The following FOXP1 variants were observed in gnomAD, a reference collection of about 807,000 sequenced individuals.
FOXP1 encodes forkhead box P1, also known as forkhead box protein P1.
FOXP1 carries 15 observed loss-of-function variants against 98.2 expected under a neutral mutation model. The observed-to-expected ratio is 0.15, with a 90% CI of 0.10 to 0.24. The LOEUF (loss-of-function observed/expected upper bound fraction) is 0.24, where lower values mean the gene tolerates loss of function less well. Among genes scored for constraint, FOXP1 ranks in the 10% least tolerant of loss-of-function variants. FOXP1 has a pLI of 1.00. For missense variants in FOXP1, 633 were observed against 848.5 expected, an observed-to-expected ratio of 0.75 and a Z score of 3.15; for synonymous variants, 371 against 314.5, an observed-to-expected ratio of 1.18 and a Z score of -1.90.
chr3:71,228,549 G>A (rs989198928), intron 5 of FOXP1, among the ~76,000 whole-genome samples: 1 of 152,056 alleles, frequency 6.6e-6, no homozygotes, highest in East Asian at 1.9e-4. Flanking sequence ...ATAAAGCAGC[G>A]CAATGACAAT....
At chr3:71,052,663 T>C in intron 8 of FOXP1, 37 bp from the exon 9 acceptor site, 1 of 898,376 alleles carries the variant, frequency 1.1e-6, no homozygotes, top group Non-Finnish European at 1.9e-6. Context: ...TAACAGAGGG[T>C]AGCGCCAATC....
At chr3:71,205,673 C>T (rs1021459842) in intron 5 of FOXP1, among the ~76,000 whole-genome samples, 2 of 152,126 alleles carry the variant, frequency 1.3e-5, no homozygotes, top group African/African-American at 4.8e-5. Context: ...TGTAGGGGCA[C>T]CCCTCCTAGA....
intron 3 of FOXP1, among the ~76,000 whole-genome samples, chr3:71,370,230 AATAG>A (rs144185839): frequency 2.3e-3 from 348 of 152,308 alleles, no homozygotes; most frequent in African/African-American, 7.7e-3. Flanking sequence ...AACAGGGCCA[AATAG>A]ATTGAGTAAT....
intron 4 of FOXP1, among the ~76,000 whole-genome samples, chr3:71,312,273 AAGGTAATC>A (rs1480575016): frequency 6.6e-6 from 1 of 152,210 alleles, no homozygotes; most frequent in African/African-American, 2.4e-5. Flanking sequence ...CAGCGAAAGA[AAGGTAATC>A]AAGTGTGCTA....
chr3:70,959,129 A>T lies in FOXP1; in HGVS notation c.*118T>A, dbSNP rs953070670. The T allele has an allele frequency of 8.5e-7, 1 of 1,174,232 alleles. No individual in the cohort carries two copies. Among genetic ancestry groups the T allele is most frequent in the South Asian group, 1.3e-5 (1 of 78,036 alleles). 72.7% of individuals were successfully genotyped at this position (1,174,232 alleles called of 1,614,324 possible). On this transcript the variant is annotated 3_prime_UTR_variant, in exon 21 of 21. Transcript: ENST00000649528. ...ACACATTTCAGAGTTGTCAAAACGTAGTGAAAATCCTCCAGACTGTACAAC... is the reference window on the plus strand; with the variant it reads ...ACACATTTCAGAGTTGTCAAAACGTTGTGAAAATCCTCCAGACTGTACAAC...
At chr3:70,991,680 G>A (rs1373896743) in intron 13 of FOXP1, among the ~76,000 whole-genome samples, 1 of 152,182 alleles carries the variant, frequency 6.6e-6, no homozygotes, top group East Asian at 1.9e-4. Context: ...TGAGAAGAAA[G>A]GGCCAAGACA....
intron 11 of FOXP1, among the ~76,000 whole-genome samples, chr3:71,028,428 G>C (rs2046419804): frequency 6.6e-6 from 1 of 152,172 alleles, no homozygotes; most frequent in African/African-American, 2.4e-5. Flanking sequence ...AACACTAAGG[G>C]TGGGGCCCAG....
At chr3:71,582,009 G>C (rs2048213801) in intron 1 of FOXP1, 1 of 974,950 alleles carries the variant, frequency 1.0e-6, no homozygotes, top group African/African-American at 1.8e-5. Flanking sequence ...ACGATCACGG[G>C]CGCAAGGTTT....
At chr3:70,982,276 TTAATG>T (rs763846429) in intron 14 of FOXP1, among the ~76,000 whole-genome samples, 113 of 152,342 alleles carry the variant, frequency 7.4e-4, no homozygotes, top group Non-Finnish European at 1.2e-3. Flanking sequence ...CTATTAAATC[TTAATG>T]TAATCATCAA....
At chr3:71,042,206 T>C (rs2048443098) in intron 10 of FOXP1, among the ~76,000 whole-genome samples, 1 of 152,212 alleles carries the variant, frequency 6.6e-6, no homozygotes, top group Non-Finnish European at 1.5e-5. Context: ...CTATTATTAC[T>C]GTCATTTCTT....
intron 6 of FOXP1, among the ~76,000 whole-genome samples, chr3:71,196,616 A>C (rs2063318190): frequency 6.6e-6 from 1 of 152,218 alleles, no homozygotes; most frequent in Admixed American, 6.5e-5. Flanking sequence ...TGGTAAGGGC[A>C]CAGAAGATAG....
chr3:71,233,948 T>C (rs1254578889), intron 5 of FOXP1, among the ~76,000 whole-genome samples: 3 of 152,286 alleles, frequency 2.0e-5, no homozygotes, highest in African/African-American at 7.2e-5. Flanking sequence ...GTTCTCAATG[T>C]TCTCTGGAAT....
At chr3:71,083,026 C>A (rs971330313) in intron 7 of FOXP1, among the ~76,000 whole-genome samples, 3 of 152,202 alleles carry the variant, frequency 2.0e-5, no homozygotes, top group Non-Finnish European at 4.4e-5. Flanking sequence ...AGGGAGCCAA[C>A]ATCATCCGGG....
chr3:71,186,170 T>TA lies in FOXP1; in HGVS notation c.180+12031dup, dbSNP rs1461655435. On this transcript the variant is annotated intron_variant, in intron 6 of 20. Transcript: ENST00000649528. ...ATGAACATAAGATAGGTTATGTTTT[T>TA]ATGTTAATTTTCTTTGGCATGGAGC... 4.6e-5 allele frequency among the ~76,000 whole-genome samples: 7 copies of TA among 152,354 alleles called. No homozygotes were observed. In the South Asian group the frequency reaches 8.3e-4, roughly 18 times the overall value.
intron 6 of FOXP1, among the ~76,000 whole-genome samples, chr3:71,129,948 A>G (rs1286553461): frequency 6.6e-6 from 1 of 152,182 alleles, no homozygotes; most frequent in Non-Finnish European, 1.5e-5. Flanking sequence ...CGTTGAAACA[A>G]TAGGAATATG....
chr3:71,007,330 C>T (rs1340223144), intron 12 of FOXP1, among the ~76,000 whole-genome samples: 1 of 152,158 alleles, frequency 6.6e-6, no homozygotes, highest in Non-Finnish European at 1.5e-5. Context: ...CAATTATAGA[C>T]AGCTATTCCC....
At position 71,140,382 on chromosome 3, in the gene FOXP1, G is replaced by GTGA. The variant is rs199557155; in HGVS notation, c.181-27746_181-27745insTCA. On this transcript the variant is annotated intron_variant, in intron 6 of 20. Coordinates refer to ENST00000649528, the MANE Select transcript of FOXP1 (RefSeq NM_001349338.3). ...TCAGGTGTGGAATTTTTCGCTTGTG[G>GTGA]TATCATGGTGGCACTCAAGAAGTCT... Among the ~76,000 whole-genome samples the GTGA allele has an allele frequency of 5.5e-3, 841 of 152,300 alleles. 7 individuals carry two copies. The highest frequency in any genetic ancestry group is 0.019 in the African/African-American group (798 of 41,550).
intron 2 of FOXP1, among the ~76,000 whole-genome samples, chr3:71,503,495 G>A (rs1305257458): frequency 6.6e-6 from 1 of 151,732 alleles, no homozygotes; most frequent in Non-Finnish European, 1.5e-5. Context: ...CAGATACCCG[G>A]GAGGTTGAGA....
chr3:71,368,269 G>A (rs939657662), intron 3 of FOXP1, among the ~76,000 whole-genome samples: 2 of 152,000 alleles, frequency 1.3e-5, no homozygotes, highest in African/African-American at 2.4e-5. Flanking sequence ...GGATAAACAG[G>A]CGTGTGCCAC....
Sources: gnomAD v4.1 joint callset for allele counts (sites outside exome capture counted in the v4.1 genomes callset) on GRCh38, gnomAD v4.1.1 for gene constraint, MANE v1.5 for transcripts, NCBI Gene and HGNC (gene_info 2026-07-23, HGNC 2026-07-21) for gene names.